Variants in SKA3 observed in about 807,000 individuals in gnomAD.
SKA3 encodes the protein spindle and kinetochore-associated protein 3.
A neutral mutation model predicts 44.2 loss-of-function variants in SKA3; 39 were observed. The ratio of observed to expected loss-of-function variants is 0.88; its 90% CI spans 0.68 to 1.15. The LOEUF is 1.15. SKA3 is among the 50% of genes most tolerant of loss of function. The pLI is 0.00. For missense variants in SKA3, 511 were observed against 485.8 expected (o/e 1.05, Z -0.49); for synonymous variants, 192 against 172.0 (o/e 1.12, Z -0.91).
rs563977330 is a variant in SKA3 at position 21,168,058 on chromosome 13, T to C, written c.673A>G (p.Ile225Val). Reference protein sequence around the residue: ...CVTPKLEHFGISEYTMCLNED... With the variant: ...CVTPKLEHFGVSEYTMCLNED... ...TTTAAACACATAGTATATTCAGAGA[T>C]ACCAAAGTGTTCTAATTTAGGAGTT... is the stretch of plus-strand genomic sequence containing the variant. Residue 225 changes from isoleucine to valine, a missense_variant, in exon 4 of 9, where the codon ATC (isoleucine) becomes GTC (valine). Transcript: ENST00000314759. 6.2e-6 allele frequency: 10 copies of C among 1,613,754 alleles called. No homozygotes were observed. The South Asian group carries it at 9.9e-5, about 16-fold the overall frequency.
chr13:21,174,350 C>T (rs1871288031), intron 1 of SKA3, among the ~76,000 whole-genome samples: 1 of 152,154 alleles, frequency 6.6e-6, no homozygotes, highest in African/African-American at 2.4e-5. Context: ...AAATGTCCAT[C>T]AATGATAGAC....
At chr13:21,159,653 A>G (rs1235779106) in intron 6 of SKA3, among the ~76,000 whole-genome samples, 1 of 152,144 alleles carries the variant, frequency 6.6e-6, no homozygotes, top group Non-Finnish European at 1.5e-5. Context: ...TCCTTACTCT[A>G]TAACTTGTTT....
intron 4 of SKA3, among the ~76,000 whole-genome samples, chr13:21,167,689 C>T (rs1018613152): frequency 1.3e-5 from 2 of 151,374 alleles, no homozygotes; most frequent in African/African-American, 4.9e-5. Context: ...ATGGCGTGAA[C>T]CCAGGAGGCG....
chr13:21,164,055 C>T (rs1158831953), intron 4 of SKA3, among the ~76,000 whole-genome samples: 2 of 152,220 alleles, frequency 1.3e-5, no homozygotes, highest in African/African-American at 4.8e-5. Flanking sequence ...TGAGCCACCA[C>T]GCCCGGCCTC....
intron 7 of SKA3, among the ~76,000 whole-genome samples, chr13:21,156,612 A>C (rs1255206724): frequency 2.6e-5 from 4 of 152,276 alleles, no homozygotes; most frequent in African/African-American, 9.6e-5. Flanking sequence ...TATATCTTCC[A>C]GAAAAGCAGA....
In SKA3 at chr13:21,176,472, G is replaced by T; in HGVS notation, c.6C>A (p.Asp2Glu). The T allele has an allele frequency of 6.4e-7, 1 of 1,559,486 alleles. No homozygotes were observed. Among genetic ancestry groups the T allele is most frequent in the Non-Finnish European group, 8.7e-7 (1 of 1,151,772 alleles). ...GCTTCCCGCAGAAGCTCCGGATAGG[G>T]TCCATGCTGAGCACAGCGGGGAAGG... is the stretch of plus-strand genomic sequence containing the variant. Reference protein sequence around the residue: MDPIRSFCGKLR... With the variant: MEPIRSFCGKLR... Residue 2 changes from aspartate to glutamate, a missense_variant, in exon 1 of 9, where the codon GAC (aspartate) becomes GAA (glutamate). Physicochemically the swap from Asp to Glu is conservative, Grantham distance 45. Coordinates refer to ENST00000314759, the MANE Select transcript of SKA3 (RefSeq NM_145061.6).
rs17345571 is a variant in SKA3, at chr13:21,158,054, C to T, written c.987G>A (p.Ser329=). 0.058 allele frequency: 92,998 copies of T among 1,592,624 alleles called. 2,750 individuals are homozygous for T. The highest frequency in any genetic ancestry group is 0.067 in the Non-Finnish European group (77,986 of 1,163,462). ...AGCATGTGTCTGAATTTAAAACCAA[C>T]GAAGTACGATCTTCAACTTCCAAAT... is the stretch of plus-strand genomic sequence containing the variant. ...SNDLEVEDRT[S]LVLNSDTCFE... is the part of the protein sequence containing the mutation. Residue 329 remains serine (S), a synonymous_variant, in exon 7 of 9, where the codon TCG becomes TCA. Coordinates refer to ENST00000314759, the MANE Select transcript of SKA3 (RefSeq NM_145061.6).
At chr13:21,161,196 G>T (rs2137362956) in intron 5 of SKA3, among the ~76,000 whole-genome samples, 1 of 152,244 alleles carries the variant, frequency 6.6e-6, no homozygotes, top group South Asian at 2.1e-4. Flanking sequence ...CTTGAGCCTG[G>T]GAAGTTGAGG....
intron 7 of SKA3, among the ~76,000 whole-genome samples, chr13:21,157,451 A>G (rs1023085423): frequency 6.6e-6 from 1 of 152,244 alleles, no homozygotes; most frequent in African/African-American, 2.4e-5. Flanking sequence ...CACAGTGATA[A>G]GCACTTGTGT....
chr13:21,159,081 AAAATT>A (rs1404473200), intron 6 of SKA3, among the ~76,000 whole-genome samples: 1 of 152,220 alleles, frequency 6.6e-6, no homozygotes, highest in African/African-American at 2.4e-5. Flanking sequence ...TAAGCTAATT[AAAATT>A]AAATAAAATT....
chr13:21,160,872 GA>G (rs1870400952), intron 5 of SKA3, among the ~76,000 whole-genome samples: 1 of 152,152 alleles, frequency 6.6e-6, no homozygotes, highest in African/African-American at 2.4e-5. Flanking sequence ...TAAAAAGGAT[GA>G]AGTGCTTTGG....
chr13:21,172,835 CCGTACCTTTTTT>C, intron 1 of SKA3, 154 bp from the exon 2 acceptor site: 1 of 337,390 alleles, frequency 3.0e-6, no homozygotes, highest in Non-Finnish European at 5.5e-6. Flanking sequence ...ATATTTTTTA[CCGTACCTTTTTT>C]ATGTTTAGAT....
chr13:21,155,223 TGG>T, intron 8 of SKA3, 73 bp from the exon 9 acceptor site: 1 of 1,266,362 alleles, frequency 7.9e-7, no homozygotes, highest in Non-Finnish European at 1.1e-6. Context: ...CACAATACTG[TGG>T]CTATATATTT....
In SKA3 at chr13:21,173,204, T is replaced by A. The variant is rs199826521; in HGVS notation, c.104-523A>T. 3.3e-5 allele frequency among the ~76,000 whole-genome samples: 5 copies of A among 152,168 alleles called. No individual in the cohort carries two copies. In the East Asian group the frequency reaches 9.6e-4, roughly 29 times the overall value. On this transcript the variant is annotated intron_variant, in intron 1 of 8. Transcript: ENST00000314759. ...GAGAAACAGAGCCTTAGTAGAACTC[T>A]AGAAGCCCTCTTATAGTCTCTCCCT...
rs762114913 is a variant in SKA3 at position 21,168,043 on chromosome 13, T to C, written c.688A>G (p.Met230Val). The C allele has an allele frequency of 7.5e-6, 12 of 1,610,570 alleles. No individual in the cohort carries two copies. The highest frequency in any genetic ancestry group is 3.3e-5 in the South Asian group (3 of 90,250). Residue 230 changes from methionine (M) to valine (V), a missense_variant, in exon 4 of 9, where the codon ATG becomes GTG. Coordinates refer to ENST00000314759, the MANE Select transcript of SKA3 (RefSeq NM_145061.6). ...ATTGTGTAATCTTCATTTAAACACA[T>C]AGTATATTCAGAGATACCAAAGTGT... Reference protein sequence around the residue: ...LEHFGISEYTMCLNEDYTMGL... With the variant: ...LEHFGISEYTVCLNEDYTMGL...
intron 4 of SKA3, among the ~76,000 whole-genome samples, chr13:21,163,585 TTCTC>T (rs1007642959): frequency 2.5e-4 from 38 of 152,166 alleles, no homozygotes; most frequent in Non-Finnish European, 2.9e-4. Context: ...TTTTTTGGTA[TTCTC>T]TCTCTTAACA....
intron 1 of SKA3, among the ~76,000 whole-genome samples, chr13:21,176,000 AG>A (rs1871490138): frequency 6.6e-6 from 1 of 152,206 alleles, no homozygotes; most frequent in Non-Finnish European, 1.5e-5. Flanking sequence ...ATGTGACGAA[AG>A]CATATCACGT....
In SKA3 at chr13:21,153,990, C is replaced by G. The variant is rs1266430212; in HGVS notation, c.*1160G>C. On this transcript the variant is annotated 3_prime_UTR_variant, in exon 9 of 9. Transcript: ENST00000314759. ...CAGTAACTCCTAGAACAAGGACAAA[C>G]TCAAGTTTTGTTTTGGTGACAGTTT... 1 of 152,160 alleles carries G rather than the reference C, an allele frequency of 6.6e-6. No individual in the cohort carries two copies. The highest frequency in any genetic ancestry group is 1.5e-5 in the Non-Finnish European group (1 of 68,022). 9.4% of individuals were successfully genotyped at this position (152,160 alleles called of 1,614,324 possible).
chr13:21,168,482 T>A (rs1870862130), intron 3 of SKA3, 83 bp from the exon 4 acceptor site: 2 of 1,101,506 alleles, frequency 1.8e-6, no homozygotes, highest in South Asian at 2.0e-5. Flanking sequence ...ACAGCTTATC[T>A]GAAATTTCCC....
Sources: gnomAD v4.1 joint callset for allele counts (sites outside exome capture counted in the v4.1 genomes callset) on GRCh38, gnomAD v4.1.1 for gene constraint, MANE v1.5 for transcripts, NCBI Gene and HGNC (gene_info 2026-07-23, HGNC 2026-07-21) for gene names.